The following SUGCT variants were observed in gnomAD, a reference collection of about 807,000 sequenced individuals.
SUGCT encodes the protein succinyl-CoA:glutarate-CoA transferase.
A neutral mutation model predicts 55.0 loss-of-function variants in SUGCT; 41 were observed. That is an observed-to-expected ratio of 0.74 (90% CI 0.58 to 0.97). SUGCT has a LOEUF of 0.97. SUGCT is among the 50% of genes least tolerant of loss of function. The pLI, the probability that SUGCT is intolerant of heterozygous loss-of-function variation, is 0.00. For synonymous variants in SUGCT, 187 were observed against 200.4 expected, an observed-to-expected ratio of 0.93 and a Z score of 0.56; for missense variants, 568 against 547.8, an observed-to-expected ratio of 1.04 and a Z score of -0.37.
chr7:40,825,684 C>T (rs1792275866), intron 13 of SUGCT, among the ~76,000 whole-genome samples: 1 of 152,144 alleles, frequency 6.6e-6, no homozygotes, highest in African/African-American at 2.4e-5. Context: ...GGACTCAGCT[C>T]ATTAAGTAGG....
At chr7:40,354,519 C>A (rs1287659531) in intron 9 of SUGCT, among the ~76,000 whole-genome samples, 1 of 152,194 alleles carries the variant, frequency 6.6e-6, no homozygotes, top group African/African-American at 2.4e-5. Flanking sequence ...CAAAGAAATT[C>A]TTCTATCTCT....
chr7:40,421,100 C>T (rs1787283066), intron 9 of SUGCT, among the ~76,000 whole-genome samples: 1 of 152,164 alleles, frequency 6.6e-6, no homozygotes, highest in African/African-American at 2.4e-5. Flanking sequence ...GGGTTCTTTA[C>T]CTTGCCACAT....
chr7:40,872,564 C>T, the SUGCT span, among the ~76,000 whole-genome samples: 1 of 152,200 alleles, frequency 6.6e-6, no homozygotes, highest in African/African-American at 2.4e-5. Context: ...GCATCCCCCT[C>T]TGGGCCACAG....
At chr7:40,904,183 T>C in the SUGCT span, among the ~76,000 whole-genome samples, 2 of 152,238 alleles carry the variant, frequency 1.3e-5, no homozygotes, top group Non-Finnish European at 2.9e-5. Context: ...AAGCAAGTAC[T>C]GTAGATGTTT....
At chr7:40,791,988 T>C (rs1790334722) in intron 13 of SUGCT, among the ~76,000 whole-genome samples, 1 of 152,152 alleles carries the variant, frequency 6.6e-6, no homozygotes, top group Non-Finnish European at 1.5e-5. Context: ...ATGGAGATCA[T>C]GAGCAAAGAT....
rs573703792 is a variant in SUGCT at position 40,252,596 on chromosome 7, A to G, written c.576+14870A>G. The stretch of plus-strand genomic sequence containing the variant: ...TAATATTAATAACATCATTCTTTTT[A>G]TTTTCTAATGACTCTCAGGAATATG... On this transcript the variant is annotated intron_variant, in intron 7 of 13. Transcript: ENST00000335693. Among the ~76,000 whole-genome samples the G allele has an allele frequency of 3.4e-4, 51 of 152,228 alleles. 1 individual carries two copies. Among genetic ancestry groups the G allele is most frequent in the Middle Eastern group, 6.8e-3 (2 of 294 alleles).
At chr7:40,251,983 T>C (rs566479381) in intron 7 of SUGCT, among the ~76,000 whole-genome samples, 12 of 151,216 alleles carry the variant, frequency 7.9e-5, no homozygotes, top group Non-Finnish European at 1.6e-4. Context: ...GAGAAAAAAA[T>C]GTGTTGGTAG....
At chr7:40,556,605 T>C (rs896068172) in intron 12 of SUGCT, among the ~76,000 whole-genome samples, 8 of 152,362 alleles carry the variant, frequency 5.3e-5, no homozygotes, top group African/African-American at 1.7e-4. Context: ...GAGCGTGGAC[T>C]CTGTAGCCAG....
Position 40,853,489 on chromosome 7 carries a change from C to T in SUGCT, c.1154-6827C>T, listed in dbSNP as rs190607708. 1.4e-4 allele frequency among the ~76,000 whole-genome samples: 22 copies of T among 152,170 alleles called. No homozygotes were observed. The East Asian group carries it at 3.3e-3, about 23-fold the overall frequency. On this transcript the variant is annotated intron_variant, in intron 13 of 13. Coordinates refer to ENST00000335693, the MANE Select transcript of SUGCT (RefSeq NM_001193313.2). ...AAGAAATTCTCCTGCCTCAGCCTCCCGAGTAGCTGGAACTACCAGTGCACT... is the reference window on the plus strand; with the variant it reads ...AAGAAATTCTCCTGCCTCAGCCTCCTGAGTAGCTGGAACTACCAGTGCACT...
chr7:40,972,620 A>G, the SUGCT span, among the ~76,000 whole-genome samples: 132,539 of 152,182 alleles, frequency 0.87, 57,728 homozygotes, highest in Admixed American at 0.88. Context: ...TGTCTCAGTA[A>G]GAGACATTAC....
At chr7:40,612,212 G>A (rs1477613599) in intron 12 of SUGCT, among the ~76,000 whole-genome samples, 1 of 152,112 alleles carries the variant, frequency 6.6e-6, no homozygotes, top group Non-Finnish European at 1.5e-5. Flanking sequence ...TTAGATAACA[G>A]TCTCTTCTTC....
At chr7:40,185,739 T>C (rs1347333546) in intron 3 of SUGCT, among the ~76,000 whole-genome samples, 1 of 152,114 alleles carries the variant, frequency 6.6e-6, no homozygotes, top group African/African-American at 2.4e-5. Context: ...ACCAGGCTGG[T>C]CTCAAACTCC....
chr7:40,273,162 A>T (rs1334823817), intron 7 of SUGCT, among the ~76,000 whole-genome samples: 2 of 152,206 alleles, frequency 1.3e-5, no homozygotes, highest in African/African-American at 4.8e-5. Flanking sequence ...TAATAATAGT[A>T]AACTGCCAGA....
chr7:40,787,660 CAAAAAAAAAAA>C lies in SUGCT; in HGVS notation c.1153+38177_1153+38187del, dbSNP rs55764379. 6.6e-4 allele frequency among the ~76,000 whole-genome samples: 32 copies of C among 48,430 alleles called. 1 individual carries two copies. Among genetic ancestry groups the C allele is most frequent in the Admixed American group, 6.2e-3 (19 of 3,052 alleles). 31.8% of individuals were successfully genotyped at this position (48,430 alleles called of 152,430 possible). On this transcript the variant is annotated intron_variant, in intron 13 of 13. Transcript: ENST00000335693. ...AAACTGGTAACCAAGAAATTTTGAC[CAAAAAAAAAAA>C]AAAAAAAAAAAAAGCCTCAAGAAAT...
intron 7 of SUGCT, among the ~76,000 whole-genome samples, chr7:40,270,905 G>A (rs1791958825): frequency 6.6e-6 from 1 of 151,846 alleles, no homozygotes. Flanking sequence ...GTATAAGTTT[G>A]TACTTCTTTT....
intron 11 of SUGCT, among the ~76,000 whole-genome samples, chr7:40,464,077 T>C (rs1021660459): frequency 2.6e-5 from 4 of 152,188 alleles, no homozygotes; most frequent in Admixed American, 2.6e-4. Flanking sequence ...ATAAAGATGA[T>C]GTATTAGTGT....
chr7:40,139,136 A>C (rs1327517501), intron 1 of SUGCT, among the ~76,000 whole-genome samples: 1 of 64,192 alleles, frequency 1.6e-5, no homozygotes, highest in African/African-American at 8.5e-5. Flanking sequence ...AAAAATAAAT[A>C]AATAAATAAA....
At chr7:40,594,350 AT>A (rs1335937788) in intron 12 of SUGCT, among the ~76,000 whole-genome samples, 1 of 151,952 alleles carries the variant, frequency 6.6e-6, no homozygotes, top group African/African-American at 2.4e-5. Context: ...AAAAAAAAAA[AT>A]ATGATGTAAA....
intron 12 of SUGCT, chr7:40,684,194 G>C (rs1011074887): frequency 6.6e-7 from 1 of 1,511,308 alleles, no homozygotes; most frequent in African/African-American, 1.4e-5. Context: ...GATAATCCAG[G>C]ATAATTTCTC....
Sources: allele counts gnomAD v4.1 joint callset (sites outside exome capture counted in the v4.1 genomes callset), GRCh38; gene constraint gnomAD v4.1.1; transcripts MANE v1.5; gene names NCBI Gene and HGNC (gene_info 2026-07-23, HGNC 2026-07-21).